Variants in SAMD12 observed in about 807,000 individuals in gnomAD.
The protein encoded by SAMD12 is sterile alpha motif domain containing 12.
Under a neutral mutation model 15.0 loss-of-function variants are expected in SAMD12, and 9 were observed. The observed-to-expected ratio is 0.60, with a 90% CI of 0.36 to 1.05. The LOEUF (loss-of-function observed/expected upper bound fraction) is 1.05. Ranked by LOEUF, SAMD12 falls within the 50% of genes least tolerant of loss-of-function variation. SAMD12 has a pLI of 0.01. For missense variants in SAMD12, 230 were observed against 234.2 expected, an observed-to-expected ratio of 0.98 and a Z score of 0.12; for synonymous variants, 86 against 90.1, an observed-to-expected ratio of 0.96 and a Z score of 0.25.
intron 4 of SAMD12, among the ~76,000 whole-genome samples, chr8:118,209,659 C>G (rs1486476246): frequency 6.6e-6 from 1 of 152,198 alleles, no homozygotes; most frequent in Non-Finnish European, 1.5e-5. Flanking sequence ...AATTATGAAG[C>G]TGAAGGTTTA....
rs11562707 is a variant in SAMD12, at chr8:118,262,816, C to T, written c.434-65084G>A. 8.2e-3 allele frequency among the ~76,000 whole-genome samples: 1,242 copies of T among 152,108 alleles called. 24 individuals are homozygous for T. Among genetic ancestry groups the T allele is most frequent in the African/African-American group, 0.028 (1,180 of 41,506 alleles). ...GTAGGTAATAATCGTTGGAAACATA[C>T]TACCCAAGGTTTTAATAGGCTTCTA... On this transcript the variant is annotated intron_variant, in intron 4 of 4. Coordinates refer to the SAMD12 transcript ENST00000409003.
At chr8:118,575,640 G>C (rs1167727281) in intron 2 of SAMD12, among the ~76,000 whole-genome samples, 2 of 152,106 alleles carry the variant, frequency 1.3e-5, no homozygotes. Flanking sequence ...AAGGTACAGG[G>C]GAGGCATGCA....
In SAMD12 at chr8:118,319,443, A is replaced by G. The variant is rs182492552; in HGVS notation, c.433+60117T>C. Among the ~76,000 whole-genome samples, 90 of 152,320 alleles carry G rather than the reference A, an allele frequency of 5.9e-4. No homozygotes were observed. The East Asian group carries it at 0.014, about 24-fold the overall frequency. ...GCAGAAAAAGGTGACTTGTTTTTCA[A>G]CATGCTCCACTCTGAGAAGGAGAGG... On this transcript the variant is annotated intron_variant, in intron 4 of 4. Transcript: ENST00000409003.
At chr8:118,563,787 T>C (rs924419473) in intron 2 of SAMD12, among the ~76,000 whole-genome samples, 1 of 152,234 alleles carries the variant, frequency 6.6e-6, no homozygotes, top group Non-Finnish European at 1.5e-5. Flanking sequence ...TGATTTCTAA[T>C]GTCCATTTCA....
chr8:118,297,970 A>G, intron 4 of SAMD12, among the ~76,000 whole-genome samples: 1 of 152,206 alleles, frequency 6.6e-6, no homozygotes, highest in South Asian at 2.1e-4. Flanking sequence ...ATGCAGTGGA[A>G]AGCAGTGAGA....
intron 4 of SAMD12, among the ~76,000 whole-genome samples, chr8:118,255,417 A>G (rs1308227386): frequency 6.6e-6 from 1 of 151,770 alleles, no homozygotes; most frequent in Non-Finnish European, 1.5e-5. Context: ...GGTTAGTTAC[A>G]TATGTATACA....
chr8:118,197,432 G>A (rs1819596938), exon 5 of SAMD12: 1 of 547,748 alleles, frequency 1.8e-6, no homozygotes, highest in Non-Finnish European at 3.2e-6. Flanking sequence ...GTTATGCACA[G>A]TGATGAAAAC....
At chr8:118,510,899 G>T (rs1825062799) in intron 2 of SAMD12, among the ~76,000 whole-genome samples, 1 of 152,170 alleles carries the variant, frequency 6.6e-6, no homozygotes, top group African/African-American at 2.4e-5. Context: ...TTGTGAATGT[G>T]GTTACTTTAC....
chr8:118,585,528 A>G (rs1279121132), intron 1 of SAMD12, among the ~76,000 whole-genome samples: 1 of 151,968 alleles, frequency 6.6e-6, no homozygotes, highest in African/African-American at 2.4e-5. Context: ...ACCTCCATAA[A>G]TGGAAAGAGA....
rs17507761 is a variant in SAMD12, at chr8:118,233,443, T to C, written c.434-35711A>G. 2.0e-3 allele frequency among the ~76,000 whole-genome samples: 304 copies of C among 152,268 alleles called. 1 individual carries two copies. The highest frequency in any genetic ancestry group is 7.0e-3 in the African/African-American group (291 of 41,546). ...CCTCTGTAGTAGAAAGAAGATAGTT[T>C]TGGAACCTGAAATGGGATAAAATCT... On this transcript the variant is annotated intron_variant, in intron 4 of 4. Transcript: ENST00000409003.
At chr8:118,265,922 A>C (rs544900410) in intron 4 of SAMD12, among the ~76,000 whole-genome samples, 1 of 152,260 alleles carries the variant, frequency 6.6e-6, no homozygotes, top group East Asian at 1.9e-4. Context: ...AATAAGGTAC[A>C]TGAATATCAC....
chr8:118,260,110 G>A (rs987429803), intron 4 of SAMD12, among the ~76,000 whole-genome samples: 1 of 152,084 alleles, frequency 6.6e-6, no homozygotes, highest in African/African-American at 2.4e-5. Flanking sequence ...ATTAAACATG[G>A]TGTGGTGGTT....
At chr8:118,273,540 A>C (rs1813412818) in intron 4 of SAMD12, among the ~76,000 whole-genome samples, 1 of 152,176 alleles carries the variant, frequency 6.6e-6, no homozygotes, top group Non-Finnish European at 1.5e-5. Flanking sequence ...ACAATAACAG[A>C]CTGGACAAAG....
Position 118,439,920 on chromosome 8 carries a change from G to A in SAMD12, c.234C>T (p.Thr78=). ...VKLSKPVALW[T]QQDVCKWLKK... Reference sequence around the variant, plus strand: ...TCAACCACTTGCAGACATCCTGCTGGGTCCATAGAGCCACCGGTTTAGATA... The same window carrying A: ...TCAACCACTTGCAGACATCCTGCTGAGTCCATAGAGCCACCGGTTTAGATA... The change falls in exon 3 of 4, where the codon ACC becomes ACT. Residue 78 remains threonine (T), a synonymous_variant. Coordinates refer to ENST00000314727, the MANE Select transcript of SAMD12 (RefSeq NM_207506.3). The A allele has an allele frequency of 6.2e-7, 1 of 1,613,576 alleles. No homozygotes were observed. Among genetic ancestry groups the A allele is most frequent in the Non-Finnish European group, 8.5e-7 (1 of 1,179,586 alleles).
chr8:118,583,350 C>A (rs527267695), intron 1 of SAMD12, among the ~76,000 whole-genome samples: 1 of 152,300 alleles, frequency 6.6e-6, no homozygotes, highest in South Asian at 2.1e-4. Flanking sequence ...GACTGGCCTA[C>A]TTACAATGAA....
intron 2 of SAMD12, among the ~76,000 whole-genome samples, chr8:118,549,930 A>C (rs554665127): frequency 6.6e-6 from 1 of 152,116 alleles, no homozygotes; most frequent in African/African-American, 2.4e-5. Flanking sequence ...GGGTATCAGC[A>C]ATGGAAGATG....
intron 3 of SAMD12, among the ~76,000 whole-genome samples, chr8:118,385,073 T>G (rs760883585): frequency 1.4e-4 from 22 of 152,120 alleles, no homozygotes; most frequent in Non-Finnish European, 2.9e-4. Flanking sequence ...TGAGCATACA[T>G]AGAAAAAGCA....
At chr8:118,482,920 A>T (rs1052796126) in intron 2 of SAMD12, among the ~76,000 whole-genome samples, 1 of 152,178 alleles carries the variant, frequency 6.6e-6, no homozygotes, top group African/African-American at 2.4e-5. Context: ...CTTTTTGAGT[A>T]TTATTCCCAG....
intron 4 of SAMD12, among the ~76,000 whole-genome samples, chr8:118,315,612 G>A (rs1179000660): frequency 6.6e-6 from 1 of 152,126 alleles, no homozygotes; most frequent in East Asian, 1.9e-4. Flanking sequence ...TTCCTTGAGG[G>A]CTCGGGATAA....
Sources: allele counts gnomAD v4.1 joint callset (sites outside exome capture counted in the v4.1 genomes callset), GRCh38; gene constraint gnomAD v4.1.1; transcripts MANE v1.5; gene names NCBI Gene and HGNC (gene_info 2026-07-23, HGNC 2026-07-21).